RABGEF1: variants seen among roughly 807,000 people sequenced by gnomAD.
RABGEF1 encodes rab5 GDP/GTP exchange factor.
In RABGEF1, 26 loss-of-function variants were observed where a neutral mutation model predicts 57.3. That is an observed-to-expected ratio of 0.45 (90% CI 0.33 to 0.63). The LOEUF is 0.63. Ranked by LOEUF, RABGEF1 falls within the 20% of genes least tolerant of loss-of-function variation. The pLI is 0.02. For missense variants in RABGEF1, 464 were observed against 607.6 expected (o/e 0.76, Z 2.48); for synonymous variants, 185 against 210.7 (o/e 0.88, Z 1.06).
rs774941950 is a variant in RABGEF1, at chr7:66,744,667, C to CAAA, written c.-18+3893_-18+3895dup. Among the ~76,000 whole-genome samples the CAAA allele has an allele frequency of 2.0e-4, 14 of 71,024 alleles. No individual in the cohort carries two copies. In the East Asian group the frequency reaches 3.6e-3, roughly 18 times the overall value. 46.6% of individuals were successfully genotyped at this position (71,024 alleles called of 152,430 possible). A position where few individuals can be genotyped will look rare whatever the true frequency, so the allele number is the denominator to read the frequency against. ...TGGGCGACAGAGCCAGACTCCGTCT[C>CAAA]AAAAAAAAAAAAAAAAAAAAGATGC... On this transcript the variant is annotated intron_variant, in intron 1 of 8. Transcript: ENST00000284957.
intron 1 of RABGEF1, among the ~76,000 whole-genome samples, chr7:66,709,411 A>G (rs145248247): frequency 1.3e-5 from 2 of 152,230 alleles, no homozygotes; most frequent in Non-Finnish European, 2.9e-5. Flanking sequence ...TACAGTGTAC[A>G]TAAGCATCAC....
chr7:66,720,451 G>A (rs1464685325), intron 2 of RABGEF1, among the ~76,000 whole-genome samples: 3 of 150,682 alleles, frequency 2.0e-5, no homozygotes, highest in African/African-American at 2.4e-5. Context: ...ACTCACCTCA[G>A]CCTCCTAAAG....
Position 66,709,633 on chromosome 7 carries a change from G to A in RABGEF1, c.-872-2534G>A, listed in dbSNP as rs111455472. On this transcript the variant is annotated intron_variant and NMD_transcript_variant, in intron 1 of 9. Coordinates refer to the RABGEF1 transcript ENST00000607882. ...GAAACCCTGTCTCTACTAAAAATAC[G>A]AAATTAGCCAGGCATCTTGTAATCC... is the stretch of plus-strand genomic sequence containing the variant. Among the ~76,000 whole-genome samples, 257 of 152,080 alleles carry A rather than the reference G, an allele frequency of 1.7e-3. 1 individual carries two copies. Among genetic ancestry groups the A allele is most frequent in the African/African-American group, 5.9e-3 (244 of 41,496 alleles).
At chr7:66,744,582 GGCGTGA>G (rs1799765128) in intron 1 of RABGEF1, among the ~76,000 whole-genome samples, 1 of 151,006 alleles carries the variant, frequency 6.6e-6, no homozygotes, top group Non-Finnish European at 1.5e-5. Context: ...GCAGGAGAAT[GGCGTGA>G]ACCTGGGAGG....
At chr7:66,716,316 C>T (rs1047053507) in intron 2 of RABGEF1, among the ~76,000 whole-genome samples, 2 of 152,108 alleles carry the variant, frequency 1.3e-5, no homozygotes, top group Admixed American at 1.3e-4. Context: ...AATATATAGT[C>T]AGGCCAGGTG....
At chr7:66,683,169 G>A (rs1790049909) in intron 1 of RABGEF1, among the ~76,000 whole-genome samples, 2 of 151,988 alleles carry the variant, frequency 1.3e-5, no homozygotes, top group African/African-American at 4.8e-5. Context: ...TTCGAGATGG[G>A]ATCTCACAAT....
chr7:66,655,644 A>T, the RABGEF1 span, among the ~76,000 whole-genome samples: 2 of 152,080 alleles, frequency 1.3e-5, no homozygotes, highest in Non-Finnish European at 2.9e-5. Context: ...TGCTGGGATT[A>T]TAGGCGTCAG....
chr7:66,732,257 A>G (rs1255040515), intron 2 of RABGEF1, among the ~76,000 whole-genome samples: 1 of 152,184 alleles, frequency 6.6e-6, no homozygotes, highest in East Asian at 1.9e-4. Context: ...GGGGCTGAGC[A>G]GGCAGCTGGC....
At chr7:66,660,849 A>G in the RABGEF1 span, among the ~76,000 whole-genome samples, 2 of 152,226 alleles carry the variant, frequency 1.3e-5, no homozygotes, top group Non-Finnish European at 2.9e-5. Context: ...CATTGCCTTG[A>G]TGCTAGGGTC....
intron 1 of RABGEF1, among the ~76,000 whole-genome samples, chr7:66,744,419 A>G (rs1217844274): frequency 6.6e-6 from 1 of 151,920 alleles, no homozygotes; most frequent in Non-Finnish European, 1.5e-5. Flanking sequence ...CTGTAATCCC[A>G]GTACTTTGGG....
chr7:66,785,338 T>G (rs1462705433), intron 4 of RABGEF1, among the ~76,000 whole-genome samples: 2 of 152,192 alleles, frequency 1.3e-5, no homozygotes, highest in African/African-American at 4.8e-5. Context: ...GGTGGCCAAG[T>G]CCTATGCATG....
rs558357777 is a variant in RABGEF1, at chr7:66,702,937, T to G, written c.-872-9230T>G. 2.5e-4 allele frequency among the ~76,000 whole-genome samples: 38 copies of G among 152,272 alleles called. 1 individual carries two copies. Among genetic ancestry groups the G allele is most frequent in the African/African-American group, 8.9e-4 (37 of 41,558 alleles). ...GTCATTCTGTAGGGTTTATTTTCAC[T>G]TTTTTGATAGTGTCTTTTAATGTAT... On this transcript the variant is annotated intron_variant and NMD_transcript_variant, in intron 1 of 9. Transcript: ENST00000607882.
chr7:66,793,845 G>A (rs1418512944), intron 4 of RABGEF1, among the ~76,000 whole-genome samples: 4 of 152,188 alleles, frequency 2.6e-5, no homozygotes, highest in African/African-American at 7.2e-5. Flanking sequence ...AGACTGCTGT[G>A]GGCTTCCACA....
At chr7:66,789,897 G>A (rs1812202841) in intron 4 of RABGEF1, among the ~76,000 whole-genome samples, 1 of 152,072 alleles carries the variant, frequency 6.6e-6, no homozygotes, top group Non-Finnish European at 1.5e-5. Context: ...TCTGCACACA[G>A]CTACAAAACA....
At chr7:66,692,874 C>G (rs1791734821) in intron 1 of RABGEF1, among the ~76,000 whole-genome samples, 1 of 152,200 alleles carries the variant, frequency 6.6e-6, no homozygotes, top group Non-Finnish European at 1.5e-5. Flanking sequence ...TGGCTCCTGG[C>G]ACCTACATCC....
the RABGEF1 span, among the ~76,000 whole-genome samples, chr7:66,676,516 G>A: frequency 2.0e-5 from 3 of 152,168 alleles, no homozygotes; most frequent in Non-Finnish European, 2.9e-5. Context: ...ATAAATCCAT[G>A]TATGAGTGGA....
At chr7:66,737,103 A>C (rs903798472), upstream of RABGEF1, among the ~76,000 whole-genome samples, 8 of 151,752 alleles carry the variant, frequency 5.3e-5, no homozygotes, top group Admixed American at 2.0e-4. Context: ...CGAGAGAGAG[A>C]GAGAGAGAGA....
chr7:66,761,390 T>G (rs1186158666), intron 1 of RABGEF1, among the ~76,000 whole-genome samples: 1 of 152,132 alleles, frequency 6.6e-6, no homozygotes, highest in African/African-American at 2.4e-5. Flanking sequence ...TTTGCTGAGG[T>G]GGTTTACAGA....
At chr7:66,734,949 T>C (rs1389577263) in intron 2 of RABGEF1, among the ~76,000 whole-genome samples, 2 of 152,204 alleles carry the variant, frequency 1.3e-5, no homozygotes, top group African/African-American at 4.8e-5. Flanking sequence ...TTCCGTGTGA[T>C]TTCTTCTTTT....
Sources: gnomAD v4.1 joint callset for allele counts (sites outside exome capture counted in the v4.1 genomes callset) on GRCh38, gnomAD v4.1.1 for gene constraint, MANE v1.5 for transcripts, NCBI Gene and HGNC (gene_info 2026-07-23, HGNC 2026-07-21) for gene names.